Variants in NPAS3 observed in about 807,000 individuals in gnomAD.
NPAS3 encodes neuronal PAS domain-containing protein 3.
A neutral mutation model predicts 73.1 loss-of-function variants in NPAS3; 14 were observed. That is an observed-to-expected ratio of 0.19 (90% CI 0.13 to 0.30). The LOEUF is 0.30. NPAS3 is among the 10% of genes least tolerant of loss of function. The pLI is 1.00. For missense variants in NPAS3, 1,096 were observed against 1,250.0 expected (o/e 0.88, Z 1.86); for synonymous variants, 620 against 541.5 (o/e 1.14, Z -2.01).
At chr14:33,598,127 G>A (rs1014419388) in intron 5 of NPAS3, among the ~76,000 whole-genome samples, 9 of 152,176 alleles carry the variant, frequency 5.9e-5, no homozygotes, top group Non-Finnish European at 1.2e-4. Flanking sequence ...TCAGTAGGAG[G>A]CACATTCTCC....
intron 1 of NPAS3, among the ~76,000 whole-genome samples, chr14:32,993,165 A>G (rs2038406004): frequency 1.3e-5 from 2 of 151,002 alleles, no homozygotes; most frequent in Non-Finnish European, 3.0e-5. Flanking sequence ...AAAAAAAAAA[A>G]GGGAAAATGG....
intron 2 of NPAS3, among the ~76,000 whole-genome samples, chr14:33,144,313 G>A (rs2044163335): frequency 6.6e-6 from 1 of 152,204 alleles, no homozygotes; most frequent in Non-Finnish European, 1.5e-5. Context: ...TAGTGAAGAA[G>A]GACGTTGAGC....
chr14:33,312,331 T>C (rs2043035428), intron 3 of NPAS3, among the ~76,000 whole-genome samples: 1 of 152,090 alleles, frequency 6.6e-6, no homozygotes, highest in Non-Finnish European at 1.5e-5. Flanking sequence ...GTTGCATTTG[T>C]AATGAGACTT....
At chr14:33,020,689 T>A (rs1310879788) in intron 1 of NPAS3, among the ~76,000 whole-genome samples, 1 of 151,640 alleles carries the variant, frequency 6.6e-6, no homozygotes, top group Non-Finnish European at 1.5e-5. Context: ...GCCACACCAA[T>A]CTTTAAAAAA....
chr14:33,238,739 C>G (rs1434908927), intron 3 of NPAS3, among the ~76,000 whole-genome samples: 1 of 151,934 alleles, frequency 6.6e-6, no homozygotes, highest in East Asian at 1.9e-4. Context: ...TGAGTTAGTT[C>G]TTCCCATTTG....
At chr14:32,950,161 T>C (rs2036425062) in intron 1 of NPAS3, among the ~76,000 whole-genome samples, 1 of 152,076 alleles carries the variant, frequency 6.6e-6, no homozygotes. Flanking sequence ...CTTAGGTCCA[T>C]GACAATCATC....
rs574732263 is a variant in NPAS3 at position 33,721,959 on chromosome 14, A to G, written c.734-13255A>G. On this transcript the variant is annotated intron_variant, in intron 6 of 11. Coordinates refer to ENST00000356141, the Ensembl canonical transcript of NPAS3. ...TGGATTCATTCTCACGTCAGGTCGA[A>G]TAATTGAAGACCCCAGAACAAGGGC... Among the ~76,000 whole-genome samples, 41 of 152,312 alleles carry G rather than the reference A, an allele frequency of 2.7e-4. 1 individual carries two copies. The highest frequency in any genetic ancestry group is 6.8e-3 in the Middle Eastern group (2 of 294).
At chr14:33,317,293 T>G (rs2043245669) in intron 3 of NPAS3, among the ~76,000 whole-genome samples, 1 of 152,082 alleles carries the variant, frequency 6.6e-6, no homozygotes, top group South Asian at 2.1e-4. Flanking sequence ...GGCACTATAC[T>G]GAGTGCTTTC....
At chr14:33,137,616 T>G (rs1221586908) in intron 2 of NPAS3, among the ~76,000 whole-genome samples, 1 of 152,158 alleles carries the variant, frequency 6.6e-6, no homozygotes, top group Admixed American at 6.5e-5. Context: ...ATATCAAGAT[T>G]AGTGGAAATT....
intron 4 of NPAS3, among the ~76,000 whole-genome samples, chr14:33,429,431 T>G (rs1160586345): frequency 6.6e-6 from 1 of 152,086 alleles, no homozygotes; most frequent in Non-Finnish European, 1.5e-5. Context: ...AACGACCTAG[T>G]TTTCTACACG....
intron 1 of NPAS3, among the ~76,000 whole-genome samples, chr14:33,010,081 T>C (rs2039137871): frequency 6.6e-6 from 1 of 152,204 alleles, no homozygotes; most frequent in African/African-American, 2.4e-5. Context: ...ACAGTAGACA[T>C]TCAATAAAAT....
intron 5 of NPAS3, among the ~76,000 whole-genome samples, chr14:33,563,565 G>GA (rs10688249): frequency 2.8e-5 from 4 of 144,420 alleles, no homozygotes; most frequent in South Asian, 2.2e-4. Flanking sequence ...GAGAGAGAGA[G>GA]GAGAGATGTA....
intron 4 of NPAS3, among the ~76,000 whole-genome samples, chr14:33,558,845 G>A (rs1303011109): frequency 2.4e-5 from 3 of 125,528 alleles, no homozygotes; most frequent in African/African-American, 7.2e-5. Flanking sequence ...GCAAATTCAC[G>A]GCCTTTTTTT....
At chr14:33,721,804 T>C (rs1303666277) in intron 6 of NPAS3, among the ~76,000 whole-genome samples, 1 of 152,182 alleles carries the variant, frequency 6.6e-6, no homozygotes, top group African/African-American at 2.4e-5. Context: ...TTACGTCATT[T>C]CCAAAATGCA....
intron 7 of NPAS3, among the ~76,000 whole-genome samples, chr14:33,739,297 G>A (rs2061599173): frequency 6.6e-6 from 1 of 152,168 alleles, no homozygotes; most frequent in Admixed American, 6.6e-5. Flanking sequence ...GATGATTTGG[G>A]CATGGATTTA....
intron 3 of NPAS3, among the ~76,000 whole-genome samples, chr14:33,308,557 T>C (rs61972710): frequency 0.18 from 9,395 of 52,844 alleles, 432 homozygotes; most frequent in African/African-American, 0.27. Flanking sequence ...CACACACACA[T>C]ACATACATTA....
chr14:33,138,369 AT>A (rs1474963417), intron 2 of NPAS3, among the ~76,000 whole-genome samples: 4 of 152,202 alleles, frequency 2.6e-5, no homozygotes, highest in African/African-American at 9.7e-5. Context: ...GTCATTAAAT[AT>A]AGTAGTCATA....
chr14:33,230,714 T>C (rs554904791), intron 3 of NPAS3, among the ~76,000 whole-genome samples: 35 of 152,318 alleles, frequency 2.3e-4, no homozygotes, highest in African/African-American at 7.9e-4. Flanking sequence ...GATCAAAGGC[T>C]TTCTCTAATT....
At chr14:33,126,632 G>T (rs2043437191) in intron 2 of NPAS3, among the ~76,000 whole-genome samples, 1 of 152,048 alleles carries the variant, frequency 6.6e-6, no homozygotes, top group Admixed American at 6.6e-5. Context: ...GGGTTTGGAT[G>T]GTGTAAGGTA....
Sources: allele counts gnomAD v4.1 joint callset (sites outside exome capture counted in the v4.1 genomes callset), GRCh38; gene constraint gnomAD v4.1.1; transcripts MANE v1.5; gene names NCBI Gene and HGNC (gene_info 2026-07-23, HGNC 2026-07-21).